PODXL2: variants seen among roughly 807,000 people sequenced by gnomAD.
PODXL2 encodes podocalyxin-like protein 2.
A neutral mutation model predicts 53.4 loss-of-function variants in PODXL2; 17 were observed. The observed-to-expected ratio is 0.32, with a 90% CI of 0.22 to 0.48. The LOEUF (loss-of-function observed/expected upper bound fraction) is 0.48, where lower values mean the gene tolerates loss of function less well. Ranked by LOEUF, PODXL2 falls within the 20% of genes least tolerant of loss-of-function variation. The pLI, the probability that PODXL2 is intolerant of heterozygous loss-of-function variation, is 0.99. For missense variants in PODXL2, 673 were observed against 760.0 expected (o/e 0.89, Z 1.35); for synonymous variants, 311 against 306.7 (o/e 1.01, Z -0.15).
chr3:127,647,682 G>T (rs758882396), intron 2 of PODXL2, among the ~76,000 whole-genome samples: 2 of 152,316 alleles, frequency 1.3e-5, no homozygotes, highest in South Asian at 2.1e-4. Flanking sequence ...TGCTGGCTTC[G>T]TTCTCAGGCA....
intron 2 of PODXL2, among the ~76,000 whole-genome samples, chr3:127,657,943 A>G (rs541858111): frequency 6.6e-6 from 1 of 152,304 alleles, no homozygotes; most frequent in South Asian, 2.1e-4. Flanking sequence ...ACTTTTCTGA[A>G]TTCTCTTTTG....
chr3:127,643,545 C>G (rs2074634527), intron 2 of PODXL2, among the ~76,000 whole-genome samples: 2 of 152,006 alleles, frequency 1.3e-5, no homozygotes, highest in South Asian at 2.1e-4. Flanking sequence ...ATGTGTTTTT[C>G]TTTACTTTAT....
chr3:127,661,683 C>T (rs544142780), intron 3 of PODXL2, among the ~76,000 whole-genome samples: 1 of 152,220 alleles, frequency 6.6e-6, no homozygotes, highest in African/African-American at 2.4e-5. Flanking sequence ...GTGATCCACC[C>T]GCTATGGCCT....
Position 127,639,392 on chromosome 3 carries a change from G to A in PODXL2, c.218G>A (p.Gly73Glu), listed in dbSNP as rs944990488. Reference sequence around the variant, plus strand: ...AGTGAGACCATGGGCCTGGGAGCTGGGCTGGGAGCCCCTGGCTCAGGCTTC... The same window carrying A: ...AGTGAGACCATGGGCCTGGGAGCTGAGCTGGGAGCCCCTGGCTCAGGCTTC... Reference protein sequence around the residue: ...EPSETMGLGAGLGAPGSGFPS... With the variant: ...EPSETMGLGAELGAPGSGFPS... The change falls in exon 2 of 8, where the codon GGG (glycine) becomes GAG (glutamate). Residue 73 changes from glycine to glutamate, a missense_variant. Physicochemically the swap from Gly to Glu is moderately conservative, Grantham distance 98 (BLOSUM62 -2). Transcript: ENST00000342480. 2 of 1,614,260 alleles carry A rather than the reference G, an allele frequency of 1.2e-6. No individual in the cohort carries two copies. Among genetic ancestry groups the A allele is most frequent in the Middle Eastern group, 1.7e-4 (1 of 6,060 alleles).
At chr3:127,630,616 A>G (rs1249286458) in intron 1 of PODXL2, among the ~76,000 whole-genome samples, 1 of 152,174 alleles carries the variant, frequency 6.6e-6, no homozygotes, top group African/African-American at 2.4e-5. Context: ...GCAGAATCCC[A>G]GGGTAAATGG....
rs556697687 is a variant in PODXL2 at position 127,629,820 on chromosome 3, C to G, written c.70+531C>G. 6.6e-6 allele frequency among the ~76,000 whole-genome samples: 1 copy of G among 152,064 alleles called. No individual in the cohort carries two copies. The highest frequency in any genetic ancestry group is 1.5e-5 in the Non-Finnish European group (1 of 68,028). ...GCCGGGAGGGAGTGTGAGTGTGTCACGGTGAATGGGTATTCTCTCCTGTTC... is the reference window on the plus strand; with the variant it reads ...GCCGGGAGGGAGTGTGAGTGTGTCAGGGTGAATGGGTATTCTCTCCTGTTC... On this transcript the variant is annotated intron_variant, in intron 1 of 7. Coordinates refer to ENST00000342480, the MANE Select transcript of PODXL2 (RefSeq NM_015720.4). This position sits in a 1 kb window ranked among gnomAD's most constrained non-coding sequence, Gnocchi z 6.4.
chr3:127,668,425 C>CT lies in PODXL2; in HGVS notation c.1207-13dup. ...TTTCCTTCACTGAACACGGGGGGCT[C>CT]TTTCTGCCCTTGTAGGAGGTGTTCC... On this transcript the variant is annotated splice_polypyrimidine_tract_variant and intron_variant, in intron 4 of 7. Coordinates refer to ENST00000342480, the MANE Select transcript of PODXL2 (RefSeq NM_015720.4). 4 of 1,513,368 alleles carry CT rather than the reference C, an allele frequency of 2.6e-6. No homozygotes were observed. The highest frequency in any genetic ancestry group is 2.7e-6 in the Non-Finnish European group (3 of 1,130,314). 93.7% of individuals were successfully genotyped at this position (1,513,368 alleles called of 1,614,324 possible).
intron 1 of PODXL2, among the ~76,000 whole-genome samples, chr3:127,635,251 C>T (rs1302781728): frequency 6.6e-6 from 1 of 152,224 alleles, no homozygotes; most frequent in African/African-American, 2.4e-5. Context: ...TCTCCCTGCC[C>T]TACTAACCCT....
intron 2 of PODXL2, among the ~76,000 whole-genome samples, chr3:127,654,225 AT>A (rs2074707535): frequency 6.6e-6 from 1 of 152,084 alleles, no homozygotes; most frequent in Admixed American, 6.6e-5. Context: ...CAGGCCAGTT[AT>A]TTTGTAGATT....
chr3:127,647,691 C>T (rs780480057), intron 2 of PODXL2, among the ~76,000 whole-genome samples: 21 of 152,222 alleles, frequency 1.4e-4, no homozygotes, highest in South Asian at 4.1e-4. Flanking sequence ...CGTTCTCAGG[C>T]AGGCTGGTCC....
In PODXL2 at chr3:127,672,454, G is replaced by A; in HGVS notation, c.1792G>A (p.Val598Met). ...GGKRDPEDSDVFEEDTHL is the reference protein window; with the variant it reads ...GGKRDPEDSDMFEEDTHL ...CAAGCGGGACCCCGAGGACTCGGACGTGTTCGAGGAGGACACGCACCTGTG... is the reference window on the plus strand; with the variant it reads ...CAAGCGGGACCCCGAGGACTCGGACATGTTCGAGGAGGACACGCACCTGTG... The change falls in exon 8 of 8, where the codon GTG (valine) becomes ATG (methionine). Residue 598 changes from valine (V) to methionine (M), a missense_variant. Coordinates refer to ENST00000342480, the MANE Select transcript of PODXL2 (RefSeq NM_015720.4). The A allele has an allele frequency of 1.3e-6, 2 of 1,533,414 alleles. No homozygotes were observed. The highest frequency in any genetic ancestry group is 1.8e-6 in the Non-Finnish European group (2 of 1,142,276). 95.0% of individuals were successfully genotyped at this position (1,533,414 alleles called of 1,614,324 possible).
chr3:127,654,009 T>C (rs2107710018), intron 2 of PODXL2, among the ~76,000 whole-genome samples: 1 of 152,360 alleles, frequency 6.6e-6, no homozygotes, highest in African/African-American at 2.4e-5. Context: ...AATATGCTTC[T>C]GTAATTACAA....
rs149097163 is a variant in PODXL2 at position 127,671,589 on chromosome 3, C to T, written c.1581C>T (p.Arg527=). The T allele has an allele frequency of 1.2e-6, 2 of 1,613,780 alleles. No homozygotes were observed. Among genetic ancestry groups the T allele is most frequent in the Non-Finnish European group, 1.7e-6 (2 of 1,180,002 alleles). ...GCCTGCTCTACAACTGCTGGCAGCG[C>T]CGGCTGCCCAAGCTCAAGCACGTGG... ...ALGLLYNCWQ[R]RLPKLKHVSH... The change falls in exon 7 of 8, where the codon CGC becomes CGT. Residue 527 remains arginine (R), a synonymous_variant. Transcript: ENST00000342480.
chr3:127,656,505 G>A (rs971702500), intron 2 of PODXL2, among the ~76,000 whole-genome samples: 1 of 152,054 alleles, frequency 6.6e-6, no homozygotes, highest in African/African-American at 2.4e-5. Flanking sequence ...GGGAGGCTTT[G>A]GTGGGTGGAT....
At chr3:127,671,737 C>G in intron 7 of PODXL2, 124 bp downstream of exon 7, 2 of 918,024 alleles carry the variant, frequency 2.2e-6, no homozygotes, top group Non-Finnish European at 3.4e-6. Context: ...GGTGAAGCAG[C>G]TGGTCAGCCT....
chr3:127,660,435 C>T lies in PODXL2; in HGVS notation c.407C>T (p.Ala136Val), dbSNP rs1297506492. 1 of 1,614,032 alleles carries T rather than the reference C, an allele frequency of 6.2e-7. No individual in the cohort carries two copies. The highest frequency in any genetic ancestry group is 8.5e-7 in the Non-Finnish European group (1 of 1,180,020). ...KAGSIEDTSQ[A>V]QELPNLPSPL... ...GGTTCCATTGAAGACACCAGCCAGG[C>T]TCAAGAGCTGCCAAACCTCCCCTCT... Residue 136 changes from alanine (A) to valine (V), a missense_variant, in exon 3 of 8, where the codon GCT becomes GTT. Physicochemically the swap from Ala to Val is moderately conservative, Grantham distance 64. Coordinates refer to ENST00000342480, the MANE Select transcript of PODXL2 (RefSeq NM_015720.4).
At chr3:127,644,881 G>A (rs111288045) in intron 2 of PODXL2, among the ~76,000 whole-genome samples, 2,196 of 152,306 alleles carry the variant, frequency 0.014, 60 homozygotes, top group South Asian at 0.045. Flanking sequence ...CCAGGCAGGT[G>A]CAGGGAGGAG....
rs368230615 is a variant in PODXL2 at position 127,670,738 on chromosome 3, G to C, written c.1426-696G>C. ...ACCTGAGGAGCCCCTGGTGGTGCTC[G>C]CCCTCCTGCTTCTCTCTGCTAAGAT... On this transcript the variant is annotated intron_variant, in intron 6 of 7. Coordinates refer to ENST00000342480, the MANE Select transcript of PODXL2 (RefSeq NM_015720.4). Among the ~76,000 whole-genome samples the C allele has an allele frequency of 1.8e-4, 28 of 152,284 alleles. 2 individuals are homozygous for C. The highest frequency in any genetic ancestry group is 1.4e-3 in the Admixed American group (21 of 15,308).
chr3:127,667,893 G>A (rs572480106), intron 4 of PODXL2, among the ~76,000 whole-genome samples: 1 of 152,144 alleles, frequency 6.6e-6, no homozygotes, highest in Non-Finnish European at 1.5e-5. Flanking sequence ...GATGACAGGC[G>A]AGAGGAGAGC....
Sources: gnomAD v4.1 joint callset for allele counts (sites outside exome capture counted in the v4.1 genomes callset) on GRCh38, gnomAD v4.1.1 for gene constraint, Gnocchi (gnomAD v3.1) non-coding constraint, MANE v1.5 for transcripts, NCBI Gene and HGNC (gene_info 2026-07-23, HGNC 2026-07-21) for gene names.